Variants in DEPDC1B observed in about 807,000 individuals in gnomAD.
The protein encoded by DEPDC1B is DEP domain-containing protein 1B.
A neutral mutation model predicts 66.5 loss-of-function variants in DEPDC1B; 51 were observed. The ratio of observed to expected loss-of-function variants is 0.77; its 90% CI spans 0.61 to 0.97. The LOEUF is 0.97. Ranked by LOEUF, DEPDC1B falls within the 50% of genes least tolerant of loss-of-function variation. DEPDC1B has a pLI of 0.00. For synonymous variants in DEPDC1B, 226 were observed against 223.6 expected, an observed-to-expected ratio of 1.01 and a Z score of -0.10; for missense variants, 552 against 637.1, an observed-to-expected ratio of 0.87 and a Z score of 1.44.
chr5:60,607,208 C>G (rs1483632917), intron 7 of DEPDC1B, among the ~76,000 whole-genome samples: 1 of 152,138 alleles, frequency 6.6e-6, no homozygotes, highest in East Asian at 1.9e-4. Context: ...CTAGAAAGAT[C>G]AACAGAGATG....
intron 2 of DEPDC1B, among the ~76,000 whole-genome samples, chr5:60,683,357 G>C (rs975243259): frequency 6.6e-6 from 1 of 152,124 alleles, no homozygotes; most frequent in Non-Finnish European, 1.5e-5. Context: ...ACTTGAGCCT[G>C]GGAGGTTGAG....
intron 2 of DEPDC1B, among the ~76,000 whole-genome samples, chr5:60,663,981 C>G (rs953412209): frequency 6.6e-6 from 1 of 152,230 alleles, no homozygotes; most frequent in Non-Finnish European, 1.5e-5. Flanking sequence ...GCATAACAGG[C>G]TTCTGCCGAA....
Position 60,672,566 on chromosome 5 carries a change from A to C in DEPDC1B, c.314+14396T>G, listed in dbSNP as rs540755792. Among the ~76,000 whole-genome samples the C allele has an allele frequency of 5.3e-5, 8 of 152,234 alleles. No homozygotes were observed. In the East Asian group the frequency reaches 1.5e-3, roughly 29 times the overall value. On this transcript the variant is annotated intron_variant, in intron 2 of 10. Transcript: ENST00000265036. ...CTCCCCCATGATCCAATCACTTCCC[A>C]CCAGGTCCCTCCCCTGACATGTGGG...
At chr5:60,601,076 G>T (rs1329258942) in intron 9 of DEPDC1B, among the ~76,000 whole-genome samples, 1 of 152,162 alleles carries the variant, frequency 6.6e-6, no homozygotes. Context: ...GGATGTGTTT[G>T]CTTCCCCTTC....
intron 9 of DEPDC1B, 52 bp from the exon 10 acceptor site, chr5:60,599,312 T>C (rs1385170250): frequency 1.4e-6 from 2 of 1,403,140 alleles, no homozygotes; most frequent in East Asian, 2.5e-5. Flanking sequence ...TCAAATAAAT[T>C]ATAAGAATTA....
intron 7 of DEPDC1B, chr5:60,630,653 C>T (rs899881031): frequency 6.6e-6 from 1 of 152,470 alleles, no homozygotes; most frequent in Non-Finnish European, 1.5e-5. Flanking sequence ...AAAAACCAGC[C>T]ACAGACTGAA....
rs749274404 is a variant in DEPDC1B, at chr5:60,644,802, T to C, written c.652A>G (p.Ile218Val). 6.2e-7 allele frequency: 1 copy of C among 1,611,692 alleles called. No individual in the cohort carries two copies. The highest frequency in any genetic ancestry group is 1.1e-5 in the South Asian group (1 of 90,564). Residue 218 changes from isoleucine (I) to valine (V), a missense_variant, in exon 5 of 11, where the codon ATC (isoleucine) becomes GTC (valine). By Grantham distance (29) the Ile-to-Val change is conservative. Coordinates refer to ENST00000265036, the MANE Select transcript of DEPDC1B (RefSeq NM_018369.3). ...TTGCTAACACTATATACATTATGGA[T>C]GATGAACTTCGAATTGACAAGTTTG... Reference protein sequence around the residue: ...DVKLVNSKFIIHNVYSVSKQG... With the variant: ...DVKLVNSKFIVHNVYSVSKQG...
In DEPDC1B at chr5:60,668,031, G is replaced by A. The variant is rs1162430890; in HGVS notation, c.314+18931C>T. 4.1e-3 allele frequency among the ~76,000 whole-genome samples: 383 copies of A among 94,090 alleles called. 5 individuals carry two copies. The highest frequency in any genetic ancestry group is 5.9e-3 in the Non-Finnish European group (304 of 51,932). 61.7% of individuals were successfully genotyped at this position (94,090 alleles called of 152,430 possible). A position where few individuals can be genotyped will look rare whatever the true frequency, so the allele number is the denominator to read the frequency against. On this transcript the variant is annotated intron_variant, in intron 2 of 10. Transcript: ENST00000265036. ...GGATATTTTATATATATATAAAATGGATATTTTATATATATATAAAATGGA... is the reference window on the plus strand; with the variant it reads ...GGATATTTTATATATATATAAAATGAATATTTTATATATATATAAAATGGA...
intron 1 of DEPDC1B, among the ~76,000 whole-genome samples, chr5:60,692,101 C>A (rs1754558864): frequency 6.6e-6 from 1 of 152,060 alleles, no homozygotes; most frequent in African/African-American, 2.4e-5. Context: ...ACAAATAATG[C>A]CTATTCTCAT....
chr5:60,691,227 T>C (rs914505962), intron 1 of DEPDC1B, among the ~76,000 whole-genome samples: 5 of 151,692 alleles, frequency 3.3e-5, no homozygotes, highest in African/African-American at 7.3e-5. Flanking sequence ...CTTATTTTTA[T>C]ATTTTTAGTA....
chr5:60,599,633 T>C (rs1441890413), intron 9 of DEPDC1B, among the ~76,000 whole-genome samples: 1 of 152,192 alleles, frequency 6.6e-6, no homozygotes, highest in African/African-American at 2.4e-5. Flanking sequence ...TTTACAGGAA[T>C]GAGGGCAAGG....
intron 2 of DEPDC1B, among the ~76,000 whole-genome samples, chr5:60,684,793 T>C (rs1049769495): frequency 6.6e-6 from 1 of 151,716 alleles, no homozygotes; most frequent in African/African-American, 2.4e-5. Context: ...CAATGAAGAG[T>C]AAACCCGTAG....
chr5:60,667,825 T>A (rs919938714), intron 2 of DEPDC1B, among the ~76,000 whole-genome samples: 2 of 113,924 alleles, frequency 1.8e-5, no homozygotes, highest in Non-Finnish European at 1.7e-5. Flanking sequence ...AATGGATATT[T>A]TACATATATG....
At chr5:60,693,852 A>G (rs1433507575) in intron 1 of DEPDC1B, among the ~76,000 whole-genome samples, 1 of 152,092 alleles carries the variant, frequency 6.6e-6, no homozygotes, top group African/African-American at 2.4e-5. Context: ...ATAATCAAGT[A>G]TGTAGGGCCG....
chr5:60,667,991 T>TTTTATATATAAAATGGATATTTTA (rs565317434), intron 2 of DEPDC1B, among the ~76,000 whole-genome samples: 1 of 93,768 alleles, frequency 1.1e-5, no homozygotes, highest in Non-Finnish European at 1.8e-5. Flanking sequence ...AAAATGGATA[T>TTTTATATATAAAATGGATATTTTA]TATATATATA....
chr5:60,672,180 C>G (rs1213354723), intron 2 of DEPDC1B, among the ~76,000 whole-genome samples: 1 of 152,214 alleles, frequency 6.6e-6, no homozygotes, highest in Non-Finnish European at 1.5e-5. Flanking sequence ...ATAGCCTTCA[C>G]CAGGGTAAAA....
At chr5:60,680,986 A>G (rs1482493417) in intron 2 of DEPDC1B, among the ~76,000 whole-genome samples, 1 of 152,178 alleles carries the variant, frequency 6.6e-6, no homozygotes, top group African/African-American at 2.4e-5. Context: ...TTTTGGCTTT[A>G]TTAATTTCCC....
chr5:60,639,902 T>C (rs1232722886), intron 6 of DEPDC1B, among the ~76,000 whole-genome samples: 2 of 152,178 alleles, frequency 1.3e-5, no homozygotes, highest in African/African-American at 4.8e-5. Context: ...AATAGACCTC[T>C]ACCCCCAGAG....
intron 1 of DEPDC1B, among the ~76,000 whole-genome samples, chr5:60,695,761 G>T (rs902239224): frequency 3.3e-5 from 5 of 152,102 alleles, no homozygotes; most frequent in Admixed American, 2.6e-4. Flanking sequence ...GTAGGACAAG[G>T]CCCCTGTCTT....
Sources: gnomAD v4.1 joint callset for allele counts (sites outside exome capture counted in the v4.1 genomes callset) on GRCh38, gnomAD v4.1.1 for gene constraint, MANE v1.5 for transcripts, NCBI Gene and HGNC (gene_info 2026-07-23, HGNC 2026-07-21) for gene names.